The following CAMK2A variants were observed in gnomAD, a reference collection of about 807,000 sequenced individuals.
CAMK2A encodes the protein calcium/calmodulin-dependent protein kinase type II subunit alpha.
CAMK2A carries 7 observed loss-of-function variants against 79.2 expected under a neutral mutation model. The observed-to-expected ratio is 0.09, with a 90% CI of 0.05 to 0.17. The LOEUF (loss-of-function observed/expected upper bound fraction) is 0.17. Ranked by LOEUF, CAMK2A falls within the 10% of genes least tolerant of loss-of-function variation. The pLI is 1.00. For synonymous variants in CAMK2A, 242 were observed against 251.7 expected (o/e 0.96, Z 0.36); for missense variants, 214 against 646.4 (o/e 0.33, Z 7.25).
At chr5:150,249,972 C>A (rs1755758466) in intron 11 of CAMK2A, among the ~76,000 whole-genome samples, 1 of 152,182 alleles carries the variant, frequency 6.6e-6, no homozygotes, top group African/African-American at 2.4e-5. Context: ...CATCTTGAGG[C>A]TTTCCCAGGC....
intron 13 of CAMK2A, among the ~76,000 whole-genome samples, chr5:150,241,717 T>C (rs1334618005): frequency 2.8e-5 from 4 of 143,380 alleles, no homozygotes; most frequent in Non-Finnish European, 6.1e-5. Context: ...TCTTCCTTCT[T>C]TTCCTCTTTT....
At chr5:150,236,630 G>C (rs760364382) in intron 15 of CAMK2A, among the ~76,000 whole-genome samples, 1 of 152,208 alleles carries the variant, frequency 6.6e-6, no homozygotes, top group Non-Finnish European at 1.5e-5. Flanking sequence ...TCTGAGGCCA[G>C]GATTATGTGG....
intron 1 of CAMK2A, among the ~76,000 whole-genome samples, chr5:150,278,884 C>A (rs1757087787): frequency 6.6e-6 from 1 of 152,088 alleles, no homozygotes; most frequent in Non-Finnish European, 1.5e-5. Context: ...ATGAGGCGTG[C>A]ATCCACGTGA....
intron 16 of CAMK2A, among the ~76,000 whole-genome samples, chr5:150,229,561 G>C (rs2053054): frequency 0.29 from 43,522 of 152,110 alleles, 6,917 homozygotes; most frequent in Admixed American, 0.36. Flanking sequence ...CAGAGGTCAT[G>C]ACAAGGGGTC....
chr5:150,231,157 G>C (rs1009757185), intron 16 of CAMK2A, 148 bp downstream of exon 16: 2 of 450,318 alleles, frequency 4.4e-6, no homozygotes, highest in African/African-American at 4.0e-5. Flanking sequence ...AAGTCCGGAT[G>C]CAAAATAGAA....
intron 16 of CAMK2A, among the ~76,000 whole-genome samples, chr5:150,231,051 C>T (rs765063770): frequency 6.6e-5 from 10 of 152,088 alleles, no homozygotes; most frequent in Non-Finnish European, 1.2e-4. Flanking sequence ...TGGAGTTCCT[C>T]CCAGGGAACA....
Position 150,222,569 on chromosome 5 carries a change from G to T in CAMK2A, c.*141C>A. 1 of 924,212 alleles carries T rather than the reference G, an allele frequency of 1.1e-6. No individual in the cohort carries two copies. Among genetic ancestry groups the T allele is most frequent in the Non-Finnish European group, 1.7e-6 (1 of 571,964 alleles). 57.3% of individuals were successfully genotyped at this position (924,212 alleles called of 1,614,324 possible). On this transcript the variant is annotated 3_prime_UTR_variant, in exon 19 of 19. Coordinates refer to ENST00000671881, the MANE Select transcript of CAMK2A (RefSeq NM_015981.4). ...CTTTTGTGAACAAGCAGGTTTTCTT[G>T]ATGCAGGTACAGAAGTGACGGTGGT...
chr5:150,258,471 G>A (rs72803998), intron 3 of CAMK2A, among the ~76,000 whole-genome samples: 21,545 of 152,240 alleles, frequency 0.14, 1,671 homozygotes, highest in East Asian at 0.26. Flanking sequence ...AAAATAATGC[G>A]GCAGTTATGT....
chr5:150,235,618 G>C (rs565737800), intron 15 of CAMK2A, among the ~76,000 whole-genome samples: 1 of 152,348 alleles, frequency 6.6e-6, no homozygotes, highest in South Asian at 2.1e-4. Context: ...CAGGAGGGAT[G>C]GGGGAGTGGG....
intron 6 of CAMK2A, among the ~76,000 whole-genome samples, chr5:150,254,438 G>A (rs543421951): frequency 3.3e-5 from 5 of 152,304 alleles, no homozygotes; most frequent in African/African-American, 1.2e-4. Flanking sequence ...CCAAGATCAC[G>A]CAGCTGGTAA....
At chr5:150,288,114 C>T (rs540193124) in intron 1 of CAMK2A, among the ~76,000 whole-genome samples, 9 of 152,122 alleles carry the variant, frequency 5.9e-5, no homozygotes, top group South Asian at 4.1e-4. Flanking sequence ...CACACACATG[C>T]GTGTGCACAC....
intron 1 of CAMK2A, 41 bp from the exon 2 acceptor site, chr5:150,273,200 G>C (rs1475185542): frequency 6.8e-7 from 1 of 1,461,206 alleles, no homozygotes; most frequent in Non-Finnish European, 9.6e-7. Context: ...GGGAATGCCT[G>C]AGGGCTGTGT....
chr5:150,238,430 C>A, intron 15 of CAMK2A: 1 of 325,322 alleles, frequency 3.1e-6, no homozygotes, highest in East Asian at 7.7e-5. Context: ...CCAGCCTGGA[C>A]GACAGAGCGA....
intron 12 of CAMK2A, among the ~76,000 whole-genome samples, chr5:150,246,894 G>A (rs769664628): frequency 1.3e-5 from 2 of 152,220 alleles, no homozygotes; most frequent in Non-Finnish European, 2.9e-5. Context: ...AGCTTTCTCG[G>A]CTGGCCCCAG....
intron 3 of CAMK2A, among the ~76,000 whole-genome samples, chr5:150,261,018 G>A (rs538526939): frequency 6.6e-6 from 1 of 152,182 alleles, no homozygotes; most frequent in South Asian, 2.1e-4. Context: ...GGCTTTGGAA[G>A]GAGCCACAAG....
In CAMK2A at chr5:150,256,691, C is replaced by T. The variant is rs1756073533; in HGVS notation, c.339-46G>A. The T allele has an allele frequency of 1.9e-6, 3 of 1,608,650 alleles. No individual in the cohort carries two copies. In the African/African-American group the frequency reaches 4.0e-5, roughly 22 times the overall value. On this transcript the variant is annotated intron_variant, in intron 5 of 18. Transcript: ENST00000671881. This position sits in a 1 kb window ranked among gnomAD's most constrained non-coding sequence, Gnocchi z 4.6. The stretch of plus-strand genomic sequence containing the variant: ...GGGTCATGGTGGTGTGAGCACAGGC[C>T]TCCCCTGGGAAGCTGACAGCAGGCA...
intron 15 of CAMK2A, among the ~76,000 whole-genome samples, chr5:150,236,322 T>A (rs1444315521): frequency 1.3e-5 from 2 of 152,236 alleles, no homozygotes; most frequent in African/African-American, 4.8e-5. Flanking sequence ...TTGAGTAAAA[T>A]TGGTGCTCCA....
chr5:150,253,627 G>T, intron 6 of CAMK2A, 81 bp from the exon 7 acceptor site: 1 of 1,207,454 alleles, frequency 8.3e-7, no homozygotes, highest in South Asian at 1.2e-5. Context: ...CACCTCTAGG[G>T]GCCTGGGCTC....
At position 150,284,851 on chromosome 5, in the gene CAMK2A, C is replaced by G. The variant is rs904805735; in HGVS notation, c.62+4713G>C. On this transcript the variant is annotated intron_variant, in intron 1 of 18. Transcript: ENST00000671881. The surrounding 1 kb of genome is among the most constrained non-coding windows in gnomAD (Gnocchi z 5.3). ...GCAATGAGCAGAGCATCTCCATGGT[C>G]CTTACAATTCTGATGTTCCGGAGGT... is the stretch of plus-strand genomic sequence containing the variant. 2.0e-5 allele frequency among the ~76,000 whole-genome samples: 3 copies of G among 152,150 alleles called. No individual in the cohort carries two copies. The highest frequency in any genetic ancestry group is 6.5e-5 in the Admixed American group (1 of 15,276).
Sources: allele counts gnomAD v4.1 joint callset (sites outside exome capture counted in the v4.1 genomes callset), GRCh38; gene constraint gnomAD v4.1.1; non-coding constraint Gnocchi (gnomAD v3.1); transcripts MANE v1.5; gene names NCBI Gene and HGNC (gene_info 2026-07-23, HGNC 2026-07-21).